Variants in SHISA9 observed in about 807,000 individuals in gnomAD.
The protein encoded by SHISA9 is shisa family member 9.
A neutral mutation model predicts 38.0 loss-of-function variants in SHISA9; 13 were observed. That is an observed-to-expected ratio of 0.34 (90% CI 0.22 to 0.54). SHISA9 has a LOEUF of 0.54. Ranked by LOEUF, SHISA9 falls within the 20% of genes least tolerant of loss-of-function variation. The pLI, the probability that SHISA9 is intolerant of heterozygous loss-of-function variation, is 0.91. For synonymous variants in SHISA9, 275 were observed against 242.0 expected (o/e 1.14, Z -1.27); for missense variants, 538 against 575.8 (o/e 0.93, Z 0.67).
chr16:13,048,454 C>G (rs558055847), intron 2 of SHISA9, among the ~76,000 whole-genome samples: 1 of 152,236 alleles, frequency 6.6e-6, no homozygotes, highest in South Asian at 2.1e-4. Context: ...CGGAGTCTAG[C>G]TTTGTCACCC....
At chr16:13,227,614 G>A (rs1251613891) in intron 4 of SHISA9, among the ~76,000 whole-genome samples, 2 of 152,120 alleles carry the variant, frequency 1.3e-5, no homozygotes, top group African/African-American at 2.4e-5. Context: ...AGTCTAAAGG[G>A]GAATCTTAGA....
At chr16:13,399,609 C>T in the SHISA9 span, among the ~76,000 whole-genome samples, 313 of 152,326 alleles carry the variant, frequency 2.1e-3, no homozygotes, top group Non-Finnish European at 3.6e-3. Context: ...CTGTTCTTTC[C>T]ATGGGTCCGT....
At chr16:13,069,586 A>G (rs2073486576) in intron 2 of SHISA9, among the ~76,000 whole-genome samples, 1 of 150,012 alleles carries the variant, frequency 6.7e-6, no homozygotes, top group Non-Finnish European at 1.5e-5. Context: ...GTGTGTGTAC[A>G]TGTGATGTAT....
intron 2 of SHISA9, among the ~76,000 whole-genome samples, chr16:12,982,160 G>A: frequency 6.6e-6 from 1 of 152,230 alleles, no homozygotes; most frequent in South Asian, 2.1e-4. Flanking sequence ...GCCAGCTGGA[G>A]ATGGAGCCAG....
chr16:13,301,084 C>T, the SHISA9 span, among the ~76,000 whole-genome samples: 1 of 152,142 alleles, frequency 6.6e-6, no homozygotes, highest in African/African-American at 2.4e-5. Context: ...TCCTTAAAAA[C>T]TCTACAATCT....
chr16:13,141,025 T>C (rs917050409), intron 2 of SHISA9, among the ~76,000 whole-genome samples: 1 of 152,180 alleles, frequency 6.6e-6, no homozygotes, highest in Admixed American at 6.5e-5. Flanking sequence ...GAGATTCATC[T>C]TGTAGATGGT....
intron 4 of SHISA9, among the ~76,000 whole-genome samples, chr16:13,219,829 G>A (rs1307228141): frequency 6.6e-6 from 1 of 152,224 alleles, no homozygotes; most frequent in East Asian, 1.9e-4. Flanking sequence ...ATGATAGTGG[G>A]TGCCTGTAAT....
At chr16:12,926,008 G>C (rs2141734469) in intron 2 of SHISA9, among the ~76,000 whole-genome samples, 1 of 152,228 alleles carries the variant, frequency 6.6e-6, no homozygotes, top group South Asian at 2.1e-4. Flanking sequence ...TTACAGGCGT[G>C]AGCCACCGTG....
chr16:13,194,136 C>T (rs1202239260), intron 2 of SHISA9, among the ~76,000 whole-genome samples: 2 of 152,136 alleles, frequency 1.3e-5, no homozygotes, highest in South Asian at 2.1e-4. Flanking sequence ...CCATCCCATT[C>T]CTCTCTGGTC....
At chr16:13,488,672 C>A in the SHISA9 span, among the ~76,000 whole-genome samples, 195 of 152,152 alleles carry the variant, frequency 1.3e-3, 2 homozygotes, top group African/African-American at 4.6e-3. Context: ...TAGGTGATAT[C>A]ATCTAAGTTT....
the SHISA9 span, among the ~76,000 whole-genome samples, chr16:13,554,093 A>G: frequency 6.6e-6 from 1 of 152,266 alleles, no homozygotes; most frequent in African/African-American, 2.4e-5. Flanking sequence ...AATAACTAGC[A>G]TCTATTCCTT....
At chr16:13,290,698 G>T in the SHISA9 span, among the ~76,000 whole-genome samples, 2 of 152,104 alleles carry the variant, frequency 1.3e-5, no homozygotes, top group African/African-American at 4.8e-5. Context: ...TCCAGCCTGT[G>T]GTGGTAAAAT....
the SHISA9 span, among the ~76,000 whole-genome samples, chr16:13,455,030 T>C: frequency 1.3e-5 from 2 of 152,016 alleles, no homozygotes; most frequent in Non-Finnish European, 2.9e-5. Context: ...TTTTATCATA[T>C]CCCCTAAGTC....
the SHISA9 span, among the ~76,000 whole-genome samples, chr16:13,549,240 T>G: frequency 6.6e-6 from 1 of 152,116 alleles, no homozygotes; most frequent in African/African-American, 2.4e-5. Flanking sequence ...AATGGGGAGA[T>G]GTAGGTCAGT....
intron 2 of SHISA9, among the ~76,000 whole-genome samples, chr16:13,033,894 C>T (rs780346139): frequency 6.6e-6 from 1 of 152,218 alleles, no homozygotes; most frequent in Non-Finnish European, 1.5e-5. Context: ...GCCTGTAATT[C>T]TAGCACTTTG....
chr16:12,943,324 TGTGTGTGAGAGAGAGAGAGAGA>T (rs2071643874), intron 2 of SHISA9, among the ~76,000 whole-genome samples: 4 of 21,084 alleles, frequency 1.9e-4, no homozygotes, highest in Non-Finnish European at 2.7e-4. Flanking sequence ...TGTGTGTGTG[TGTGTGTGAGAGAGAGAGAGAGA>T]GAGAGAGAGA....
At chr16:13,356,491 G>C in the SHISA9 span, among the ~76,000 whole-genome samples, 2 of 152,180 alleles carry the variant, frequency 1.3e-5, no homozygotes, top group Admixed American at 1.3e-4. Context: ...GGGCAGGAGG[G>C]GGAGGGCTAG....
chr16:13,050,153 T>C (rs1279320596), intron 2 of SHISA9, among the ~76,000 whole-genome samples: 3 of 152,154 alleles, frequency 2.0e-5, no homozygotes, highest in African/African-American at 7.2e-5. Context: ...GGTTACAAAA[T>C]CATATCAATA....
chr16:13,224,758 G>A (rs1384883558), intron 4 of SHISA9, among the ~76,000 whole-genome samples: 1 of 152,164 alleles, frequency 6.6e-6, no homozygotes, highest in Non-Finnish European at 1.5e-5. Context: ...AGCCATTGGT[G>A]GAGGTGTCTT....
Sources: gnomAD v4.1 joint callset for allele counts (sites outside exome capture counted in the v4.1 genomes callset) on GRCh38, gnomAD v4.1.1 for gene constraint, MANE v1.5 for transcripts, NCBI Gene and HGNC (gene_info 2026-07-23, HGNC 2026-07-21) for gene names.